Variants in PACRG observed in about 807,000 individuals in gnomAD.
PACRG encodes the protein parkin coregulated gene protein.
In PACRG, 29 loss-of-function variants were observed where a neutral mutation model predicts 29.7. The observed-to-expected ratio is 0.98, with a 90% CI of 0.73 to 1.33. The LOEUF (loss-of-function observed/expected upper bound fraction) is 1.33. Among genes scored for constraint, PACRG ranks in the 40% most tolerant of loss-of-function variants. The pLI, the probability that PACRG is intolerant of heterozygous loss-of-function variation, is 0.00. For missense variants in PACRG, 279 were observed against 316.2 expected (o/e 0.88, Z 0.89); for synonymous variants, 116 against 118.7 (o/e 0.98, Z 0.15).
intron 4 of PACRG, among the ~76,000 whole-genome samples, chr6:163,196,858 TAGA>T (rs1562959011): frequency 6.6e-6 from 1 of 150,408 alleles, no homozygotes; most frequent in East Asian, 2.0e-4. Context: ...GATAGACAAA[TAGA>T]CAGACAAATA....
chr6:163,260,304 C>A (rs1382980425), intron 4 of PACRG, among the ~76,000 whole-genome samples: 1 of 152,196 alleles, frequency 6.6e-6, no homozygotes, highest in Non-Finnish European at 1.5e-5. Flanking sequence ...GCGAGGGGAG[C>A]TCTCTTCAGC....
upstream of PACRG, chr6:162,727,354 A>C: frequency 2.9e-6 from 1 of 344,080 alleles, no homozygotes; most frequent in Non-Finnish European, 5.1e-6. Context: ...TCGGGACCCC[A>C]CACGGTCCGG....
chr6:162,888,170 G>A (rs947495145), intron 2 of PACRG, among the ~76,000 whole-genome samples: 4 of 151,610 alleles, frequency 2.6e-5, no homozygotes, highest in African/African-American at 9.7e-5. Flanking sequence ...CCTCATCTAG[G>A]GGGTTTCTGT....
intron 1 of PACRG, among the ~76,000 whole-genome samples, chr6:162,773,147 A>G (rs1228016225): frequency 6.6e-6 from 1 of 152,172 alleles, no homozygotes; most frequent in Non-Finnish European, 1.5e-5. Flanking sequence ...GATAATAGGA[A>G]TACTACTTGC....
chr6:163,203,599 G>C (rs912127800), intron 4 of PACRG, among the ~76,000 whole-genome samples: 1 of 152,202 alleles, frequency 6.6e-6, no homozygotes, highest in Non-Finnish European at 1.5e-5. Context: ...AACTGCTTCA[G>C]CGCATCACGC....
intron 2 of PACRG, among the ~76,000 whole-genome samples, chr6:162,928,911 C>T (rs527540005): frequency 6.4e-4 from 97 of 151,890 alleles, no homozygotes; most frequent in African/African-American, 2.2e-3. Context: ...ACATAATGAC[C>T]ATGAGTTCCA....
chr6:163,078,863 G>A (rs912305319), intron 3 of PACRG, among the ~76,000 whole-genome samples: 4 of 152,148 alleles, frequency 2.6e-5, no homozygotes, highest in Admixed American at 1.3e-4. Flanking sequence ...CAGGTGTCTC[G>A]AATGCCTGCT....
intron 4 of PACRG, among the ~76,000 whole-genome samples, chr6:163,135,406 C>A (rs941514165): frequency 6.6e-6 from 1 of 152,172 alleles, no homozygotes; most frequent in Non-Finnish European, 1.5e-5. Flanking sequence ...CCAGGCTGAT[C>A]TTGAGCTCCT....
chr6:163,247,577 A>G (rs946414058), intron 4 of PACRG, among the ~76,000 whole-genome samples: 4 of 152,134 alleles, frequency 2.6e-5, no homozygotes, highest in Non-Finnish European at 2.9e-5. Context: ...TCCTTTGACC[A>G]CAGTTTGATG....
intron 1 of PACRG, among the ~76,000 whole-genome samples, chr6:162,796,318 GTTTA>G (rs1785377945): frequency 6.6e-6 from 1 of 152,002 alleles, no homozygotes; most frequent in African/African-American, 2.4e-5. Context: ...AAAACTGAAA[GTTTA>G]TTTAGTCTTT....
chr6:162,989,510 C>T (rs1803225216), intron 2 of PACRG, among the ~76,000 whole-genome samples: 1 of 152,054 alleles, frequency 6.6e-6, no homozygotes, highest in African/African-American at 2.4e-5. Flanking sequence ...TACTTTAAAC[C>T]ATCTTGAGAT....
At chr6:162,980,889 C>T (rs940756004) in intron 2 of PACRG, among the ~76,000 whole-genome samples, 1 of 151,640 alleles carries the variant, frequency 6.6e-6, no homozygotes, top group Non-Finnish European at 1.5e-5. Context: ...CCATTACTTT[C>T]TTTTTTTTTA....
At chr6:162,731,326 A>G (rs1779751996) in intron 1 of PACRG, among the ~76,000 whole-genome samples, 1 of 152,126 alleles carries the variant, frequency 6.6e-6, no homozygotes, top group Admixed American at 6.5e-5. Context: ...TTCTGCCTCC[A>G]TGGATTCAAC....
chr6:163,011,335 AT>A (rs1805595792), intron 2 of PACRG, among the ~76,000 whole-genome samples: 1 of 152,244 alleles, frequency 6.6e-6, no homozygotes, highest in Non-Finnish European at 1.5e-5. Context: ...CCCCCAGGAA[AT>A]AAACCCCTAC....
At chr6:163,233,235 T>C (rs1449312645) in intron 4 of PACRG, among the ~76,000 whole-genome samples, 1 of 152,226 alleles carries the variant, frequency 6.6e-6, no homozygotes, top group Admixed American at 6.5e-5. Flanking sequence ...TGTTAGGAGA[T>C]TTAAATTATT....
intron 3 of PACRG, among the ~76,000 whole-genome samples, chr6:163,066,068 G>A (rs1175500017): frequency 6.6e-6 from 1 of 152,138 alleles, no homozygotes; most frequent in Admixed American, 6.5e-5. Context: ...CTCTTATTAC[G>A]CAGGTAGAAA....
At chr6:162,769,589 A>G (rs1208029535) in intron 1 of PACRG, among the ~76,000 whole-genome samples, 2 of 152,060 alleles carry the variant, frequency 1.3e-5, no homozygotes, top group African/African-American at 4.8e-5. Flanking sequence ...TCCAGAGGAT[A>G]TTGATCATGC....
intron 4 of PACRG, among the ~76,000 whole-genome samples, chr6:163,201,600 T>G (rs1054853280): frequency 6.6e-6 from 1 of 152,162 alleles, no homozygotes; most frequent in Admixed American, 6.5e-5. Flanking sequence ...TCAATAAATA[T>G]TTACTGGCAG....
chr6:162,941,188 C>T (rs1451222098), intron 2 of PACRG, among the ~76,000 whole-genome samples: 4 of 152,158 alleles, frequency 2.6e-5, no homozygotes, highest in Non-Finnish European at 4.4e-5. Context: ...CCTCATCCCA[C>T]GGACTGTGAG....
Sources: gnomAD v4.1 joint callset for allele counts (sites outside exome capture counted in the v4.1 genomes callset) on GRCh38, gnomAD v4.1.1 for gene constraint, MANE v1.5 for transcripts, NCBI Gene and HGNC (gene_info 2026-07-23, HGNC 2026-07-21) for gene names.